The following ITIH3 variants were observed in gnomAD, a reference collection of about 807,000 sequenced individuals.
The protein encoded by ITIH3 is inter-alpha-trypsin inhibitor heavy chain 3.
A neutral mutation model predicts 96.5 loss-of-function variants in ITIH3; 81 were observed. The observed-to-expected ratio is 0.84, with a 90% confidence interval of 0.70 to 1.01. ITIH3 has a LOEUF of 1.01. Among genes scored for constraint, ITIH3 ranks in the 50% least tolerant of loss-of-function variants. The pLI is 0.00. For synonymous variants in ITIH3, 422 were observed against 445.2 expected (o/e 0.95, Z 0.66); for missense variants, 1,057 against 1,139.3 (o/e 0.93, Z 1.04).
chr3:52,805,906 C>T, intron 16 of ITIH3, 66 bp downstream of exon 16: 4 of 1,587,952 alleles, frequency 2.5e-6, no homozygotes, highest in Non-Finnish European at 3.4e-6. Context: ...ACATGTCCCT[C>T]CACCGTGGCT....
At chr3:52,805,783 T>A in intron 15 of ITIH3, 25 bp from the exon 16 acceptor site, 2 of 1,613,568 alleles carry the variant, frequency 1.2e-6, no homozygotes, top group Non-Finnish European at 1.7e-6. Context: ...TAGACCCTGC[T>A]CACCACTGCC....
intron 13 of ITIH3, among the ~76,000 whole-genome samples, chr3:52,803,371 T>C (rs1373621584): frequency 1.3e-5 from 2 of 150,748 alleles, no homozygotes; most frequent in Admixed American, 6.6e-5. Context: ...CAGGCTGGAG[T>C]GCAGTGGCGG....
Position 52,808,658 on chromosome 3 carries a change from T to C in ITIH3, c.2650T>C (p.Tyr884His), listed in dbSNP as rs1323159046. The C allele has an allele frequency of 6.2e-7, 1 of 1,612,136 alleles. No individual in the cohort carries two copies. Among genetic ancestry groups the C allele is most frequent in the East Asian group, 2.2e-5 (1 of 44,834 alleles). Residue 884 changes from tyrosine to histidine, a missense_variant, in exon 22 of 22, where the codon TAC becomes CAC. Transcript: ENST00000449956. ...GCTGATTGATGGTGTCCACACTGAC[T>C]ACATTGTCCCCAACCTGTTTTGAGT... Reference protein sequence around the residue: ...EGLIDGVHTDYIVPNLF With the variant: ...EGLIDGVHTDHIVPNLF
intron 10 of ITIH3, 74 bp from the exon 11 acceptor site, chr3:52,800,891 G>T: frequency 6.3e-7 from 1 of 1,580,098 alleles, no homozygotes; most frequent in South Asian, 1.2e-5. Flanking sequence ...CAGGAGTCCG[G>T]TCTCCCCAGA....
chr3:52,804,813 A>G, intron 15 of ITIH3, 79 bp downstream of exon 15: 1 of 1,497,556 alleles, frequency 6.7e-7, no homozygotes, highest in East Asian at 2.4e-5. Context: ...TCCAAGCAAG[A>G]TAGGACCCCC....
intron 21 of ITIH3, 107 bp from the exon 22 acceptor site, chr3:52,808,445 G>A: frequency 6.9e-7 from 1 of 1,447,696 alleles, no homozygotes; most frequent in Non-Finnish European, 9.6e-7. Context: ...AAAGAATTCT[G>A]GGCTGTTAGA....
intron 21 of ITIH3, 45 bp downstream of exon 21, chr3:52,808,266 G>A: frequency 2.0e-6 from 3 of 1,496,130 alleles, no homozygotes; most frequent in East Asian, 2.3e-5. Context: ...GCAACGAGAG[G>A]AGGAAAGAGC....
rs1225728861 is a variant in ITIH3, at chr3:52,806,156, C to G, written c.1942+18C>G. The G allele has an allele frequency of 4.4e-6, 7 of 1,601,546 alleles. No homozygotes were observed. The highest frequency in any genetic ancestry group is 2.3e-5 in the East Asian group (1 of 44,292). ...CTACTATGGTGAGTCCCTGGCTGCT[C>G]CTCGGGAAGGCTCAGGGGCCTGGGC... On this transcript the variant is annotated intron_variant, in intron 17 of 21. Transcript: ENST00000449956.
chr3:52,806,134 C>T lies in ITIH3; in HGVS notation c.1938C>T (p.Tyr646=), dbSNP rs1700035408. The change falls in exon 17 of 22, where the codon TAC becomes TAT. Residue 646 remains tyrosine (Y), a synonymous_variant. Transcript: ENST00000449956. ...TSYQPPQNPY[Y]YVDGDPHFII... ...ACCAGCCTCCTCAAAACCCCTACTA[C>T]TATGGTGAGTCCCTGGCTGCTCCTC... The T allele has an allele frequency of 6.2e-7, 1 of 1,603,384 alleles. No individual in the cohort carries two copies. The highest frequency in any genetic ancestry group is 2.3e-5 in the East Asian group (1 of 44,428).
chr3:52,805,682 C>G, intron 15 of ITIH3, 126 bp from the exon 16 acceptor site: 1 of 1,533,304 alleles, frequency 6.5e-7, no homozygotes. Flanking sequence ...GTAGTCACAT[C>G]TCCACCTCTA....
intron 2 of ITIH3, among the ~76,000 whole-genome samples, chr3:52,796,245 G>C (rs373884897): frequency 2.2e-4 from 34 of 152,308 alleles, no homozygotes; most frequent in African/African-American, 7.2e-4. Flanking sequence ...CTGCAGTGGT[G>C]TGTAAACGGA....
chr3:52,802,851 C>A, intron 13 of ITIH3, 45 bp downstream of exon 13: 2 of 1,607,340 alleles, frequency 1.2e-6, no homozygotes, highest in South Asian at 1.1e-5. Flanking sequence ...CCTGGCTGGG[C>A]TCCAATGCAA....
intron 11 of ITIH3, among the ~76,000 whole-genome samples, chr3:52,801,449 G>A (rs1699826772): frequency 6.6e-6 from 1 of 152,194 alleles, no homozygotes; most frequent in Non-Finnish European, 1.5e-5. Context: ...TTGTATTAGT[G>A]TATGGCGGCT....
chr3:52,798,539 C>G (rs1018706600), intron 6 of ITIH3: 3 of 186,206 alleles, frequency 1.6e-5, no homozygotes, highest in Non-Finnish European at 2.2e-5. Flanking sequence ...CTCTTGGCAC[C>G]CACACACCAA....
intron 7 of ITIH3, 74 bp from the exon 8 acceptor site, chr3:52,799,298 C>A: frequency 3.9e-6 from 5 of 1,267,742 alleles, no homozygotes; most frequent in Non-Finnish European, 5.5e-6. Flanking sequence ...AAATGTCTGG[C>A]TTCTACCTGC....
chr3:52,804,113 C>A, intron 14 of ITIH3, 104 bp downstream of exon 14: 3 of 1,270,446 alleles, frequency 2.4e-6, no homozygotes, highest in Non-Finnish European at 3.3e-6. Flanking sequence ...CCCAGACCTG[C>A]TGAAGTAGGG....
intron 5 of ITIH3, 84 bp from the exon 6 acceptor site, chr3:52,797,733 G>T: frequency 1.2e-6 from 1 of 826,736 alleles, no homozygotes; most frequent in South Asian, 1.6e-5. Context: ...CATCACCACA[G>T]ACCCATCTCA....
chr3:52,799,167 C>A, intron 7 of ITIH3, 76 bp downstream of exon 7: 1 of 1,545,016 alleles, frequency 6.5e-7, no homozygotes, highest in Non-Finnish European at 8.8e-7. Flanking sequence ...GATCTAGTGC[C>A]ATCACCCTGG....
Position 52,800,315 on chromosome 3 carries a change from G to T in ITIH3, c.1076-223G>T, listed in dbSNP as rs190550805. 11 of 590,506 alleles carry T rather than the reference G, an allele frequency of 1.9e-5. No homozygotes were observed. In the Middle Eastern group the frequency reaches 1.4e-3, roughly 74 times the overall value. 36.6% of individuals were successfully genotyped at this position (590,506 alleles called of 1,614,324 possible). ...CTTTCACAATCACCATGTGCTTTTCGTCTTCACCATGTGCCTTTCATCCCC... is the reference window on the plus strand; with the variant it reads ...CTTTCACAATCACCATGTGCTTTTCTTCTTCACCATGTGCCTTTCATCCCC... On this transcript the variant is annotated intron_variant, in intron 9 of 21. Coordinates refer to ENST00000449956, the MANE Select transcript of ITIH3 (RefSeq NM_002217.4).
Sources: allele counts gnomAD v4.1 joint callset (sites outside exome capture counted in the v4.1 genomes callset), GRCh38; gene constraint gnomAD v4.1.1; transcripts MANE v1.5; gene names NCBI Gene and HGNC (gene_info 2026-07-23, HGNC 2026-07-21).